LAMA2: variants seen among roughly 807,000 people sequenced by gnomAD.
The protein encoded by LAMA2 is laminin subunit alpha-2.
LAMA2 carries 269 observed loss-of-function variants against 364.8 expected under a neutral mutation model. The ratio of observed to expected loss-of-function variants is 0.74; its 90% CI spans 0.67 to 0.82. The LOEUF (loss-of-function observed/expected upper bound fraction) is 0.82, where lower values mean the gene tolerates loss of function less well. LAMA2 is among the 40% of genes least tolerant of loss of function. The probability of loss-of-function intolerance (pLI) is 0.00; values close to 1 mark genes in which losing one functional copy is unlikely to be tolerated. For missense variants in LAMA2, 3,807 were observed against 3,873.2 expected (o/e 0.98, Z 0.45); for synonymous variants, 1,379 against 1,370.6 (o/e 1.01, Z -0.14).
intron 35 of LAMA2, among the ~76,000 whole-genome samples, chr6:129,388,271 AAAAC>A (rs1382298793): frequency 3.3e-5 from 5 of 151,840 alleles, no homozygotes; most frequent in African/African-American, 4.8e-5. Flanking sequence ...AAAAAAAACA[AAAAC>A]AAACAAACAA....
At chr6:129,460,414 G>T in intron 49 of LAMA2, 90 bp downstream of exon 49, 4 of 1,315,596 alleles carry the variant, frequency 3.0e-6, no homozygotes, top group Non-Finnish European at 4.4e-6. Flanking sequence ...TCATGTGGAT[G>T]ATGTGGAGCA....
intron 41 of LAMA2, among the ~76,000 whole-genome samples, chr6:129,430,659 G>A (rs1781542898): frequency 1.3e-5 from 2 of 152,118 alleles, no homozygotes; most frequent in African/African-American, 4.8e-5. Context: ...ACACTGCTTT[G>A]CAGATAGACA....
At chr6:128,902,943 A>C (rs1408512064) in intron 1 of LAMA2, among the ~76,000 whole-genome samples, 1 of 152,160 alleles carries the variant, frequency 6.6e-6, no homozygotes, top group Non-Finnish European at 1.5e-5. Flanking sequence ...TAAAGTGTTT[A>C]ACTCATTTTT....
At chr6:129,460,015 C>T (rs1783168119) in intron 48 of LAMA2, among the ~76,000 whole-genome samples, 185 bp from the exon 49 acceptor site, 1 of 152,014 alleles carries the variant, frequency 6.6e-6, no homozygotes, top group African/African-American at 2.4e-5. Context: ...GTTGTTGACT[C>T]ATCCTGTAGT....
At chr6:129,388,876 A>G (rs1396301884) in intron 35 of LAMA2, among the ~76,000 whole-genome samples, 1 of 152,196 alleles carries the variant, frequency 6.6e-6, no homozygotes, top group East Asian at 1.9e-4. Context: ...AAAGGATGAG[A>G]TAGTACCATA....
At chr6:129,042,466 A>C (rs781618015) in intron 1 of LAMA2, among the ~76,000 whole-genome samples, 2 of 152,162 alleles carry the variant, frequency 1.3e-5, no homozygotes, top group Admixed American at 6.5e-5. Context: ...GATCATGAAT[A>C]TCATTAACTG....
At chr6:129,336,841 C>T (rs1775985737) in intron 29 of LAMA2, among the ~76,000 whole-genome samples, 1 of 152,142 alleles carries the variant, frequency 6.6e-6, no homozygotes, top group South Asian at 2.1e-4. Context: ...TGTATTTGAC[C>T]TTGTTGTGTT....
chr6:129,492,312 T>C lies in LAMA2; in HGVS notation c.8076-3T>C. On this transcript the variant is annotated splice_region_variant and splice_polypyrimidine_tract_variant and intron_variant, in intron 57 of 64. Coordinates refer to ENST00000421865, the MANE Select transcript of LAMA2 (RefSeq NM_000426.4). Reference sequence around the variant, plus strand: ...AAAAATCTTATTTATTACATTCTATTAGCCCCATGGACTTTGCAAGGCCTG... The same window carrying C: ...AAAAATCTTATTTATTACATTCTATCAGCCCCATGGACTTTGCAAGGCCTG... 6.2e-7 allele frequency: 1 copy of C among 1,613,684 alleles called. No individual in the cohort carries two copies. The highest frequency in any genetic ancestry group is 8.5e-7 in the Non-Finnish European group (1 of 1,179,584).
chr6:129,174,733 A>T (rs1489721801), intron 9 of LAMA2, among the ~76,000 whole-genome samples: 1 of 152,166 alleles, frequency 6.6e-6, no homozygotes, highest in African/African-American at 2.4e-5. Flanking sequence ...TAAGCTTTCT[A>T]GAAGTCAATT....
chr6:129,326,788 A>G lies in LAMA2; in HGVS notation c.4177-1490A>G, dbSNP rs12332811. On this transcript the variant is annotated intron_variant, in intron 28 of 64. Coordinates refer to ENST00000421865, the MANE Select transcript of LAMA2 (RefSeq NM_000426.4). ...ATAATATATAATTTATATATTATAT[A>G]TATATAATTAATATATATATTCAAG... is the stretch of plus-strand genomic sequence containing the variant. Among the ~76,000 whole-genome samples the G allele has an allele frequency of 5.2e-3, 686 of 133,082 alleles. 4 individuals are homozygous for G. Among genetic ancestry groups the G allele is most frequent in the African/African-American group, 0.015 (584 of 39,252 alleles). 87.3% of individuals were successfully genotyped at this position (133,082 alleles called of 152,430 possible). A position where few individuals can be genotyped will look rare whatever the true frequency, so the allele number is the denominator to read the frequency against.
At chr6:129,122,367 G>C (rs890703014) in intron 4 of LAMA2, among the ~76,000 whole-genome samples, 2 of 152,000 alleles carry the variant, frequency 1.3e-5, no homozygotes, top group African/African-American at 2.4e-5. Context: ...TTTCGTTCTG[G>C]GGAGCTTCAA....
chr6:128,965,223 G>A (rs1416925970), intron 1 of LAMA2, among the ~76,000 whole-genome samples: 4 of 152,000 alleles, frequency 2.6e-5, no homozygotes, highest in Admixed American at 6.6e-5. Context: ...TAGAAGCACT[G>A]AGCTGACCAA....
At chr6:129,336,008 T>C (rs187252403) in intron 29 of LAMA2, among the ~76,000 whole-genome samples, 74 of 152,328 alleles carry the variant, frequency 4.9e-4, no homozygotes, top group Non-Finnish European at 7.4e-4. Context: ...ATAAAATTTG[T>C]CGCAGGATAG....
intron 1 of LAMA2, among the ~76,000 whole-genome samples, chr6:128,993,681 A>C (rs1483632872): frequency 1.3e-5 from 2 of 152,182 alleles, no homozygotes; most frequent in African/African-American, 2.4e-5. Flanking sequence ...TAAACTTTAC[A>C]ATATATGCTT....
intron 2 of LAMA2, among the ~76,000 whole-genome samples, chr6:129,051,514 G>T (rs2114777404): frequency 7.0e-6 from 1 of 143,616 alleles, no homozygotes; most frequent in South Asian, 2.2e-4. Flanking sequence ...GTTTTACCAT[G>T]TTGGCCAGGC....
At chr6:128,929,396 A>T (rs1457012081) in intron 1 of LAMA2, 1 of 915,812 alleles carries the variant, frequency 1.1e-6, no homozygotes, top group African/African-American at 1.6e-5. Context: ...TGTGAGGATG[A>T]GTGATAGCAC....
chr6:128,962,502 C>CTTA (rs1485937549), intron 1 of LAMA2, among the ~76,000 whole-genome samples: 1 of 151,902 alleles, frequency 6.6e-6, no homozygotes, highest in Non-Finnish European at 1.5e-5. Flanking sequence ...GAGGAGGATA[C>CTTA]TTATGAGTTG....
chr6:129,175,795 C>G (rs987379331), intron 9 of LAMA2, among the ~76,000 whole-genome samples: 1 of 152,012 alleles, frequency 6.6e-6, no homozygotes, highest in Non-Finnish European at 1.5e-5. Flanking sequence ...ACCTATGTGA[C>G]AAACCTGGAT....
chr6:129,390,043 A>G (rs1343587510), intron 35 of LAMA2, among the ~76,000 whole-genome samples: 2 of 152,260 alleles, frequency 1.3e-5, no homozygotes, highest in Admixed American at 6.5e-5. Flanking sequence ...TCAGGGTTAA[A>G]GTACTGACTA....
Sources: gnomAD v4.1 joint callset for allele counts (sites outside exome capture counted in the v4.1 genomes callset) on GRCh38, gnomAD v4.1.1 for gene constraint, MANE v1.5 for transcripts, NCBI Gene and HGNC (gene_info 2026-07-23, HGNC 2026-07-21) for gene names.